The following LARGE1 variants were observed in gnomAD, a reference collection of about 807,000 sequenced individuals.
LARGE1 encodes LARGE xylosyl- and glucuronyltransferase 1, also known as xylosyl- and glucuronyltransferase LARGE1.
LARGE1 carries 43 observed loss-of-function variants against 87.6 expected under a neutral mutation model. The observed-to-expected ratio is 0.49, with a 90% CI of 0.38 to 0.63. LARGE1 has a LOEUF of 0.63. Ranked by LOEUF, LARGE1 falls within the 30% of genes least tolerant of loss-of-function variation. The probability of loss-of-function intolerance (pLI) is 0.00; values close to 1 mark genes in which losing one functional copy is unlikely to be tolerated. For missense variants in LARGE1, 802 were observed against 1,000.2 expected (o/e 0.80, Z 2.67); for synonymous variants, 434 against 394.6 (o/e 1.10, Z -1.18).
chr22:33,135,024 G>T, the LARGE1 span, among the ~76,000 whole-genome samples: 1 of 152,196 alleles, frequency 6.6e-6, no homozygotes, highest in African/African-American at 2.4e-5. Flanking sequence ...ACTTTAGCAG[G>T]AAAACAGCCC....
intron 2 of LARGE1, among the ~76,000 whole-genome samples, chr22:33,754,164 G>A (rs2084421317): frequency 6.6e-6 from 1 of 152,084 alleles, no homozygotes. Flanking sequence ...ACCTTAAAGA[G>A]ACTCTTAACA....
chr22:33,714,589 T>A (rs1347763170), intron 2 of LARGE1, among the ~76,000 whole-genome samples: 1 of 152,154 alleles, frequency 6.6e-6, no homozygotes, highest in African/African-American at 2.4e-5. Flanking sequence ...ACAAATCAAT[T>A]GAAGGAAGGA....
intron 6 of LARGE1, among the ~76,000 whole-genome samples, chr22:33,529,024 A>T (rs4821158): frequency 0.54 from 82,566 of 151,738 alleles, 23,065 homozygotes; most frequent in Admixed American, 0.64. Context: ...TCAACTCACC[A>T]CTTCCCTTAT....
rs76835995 is a variant in LARGE1, at chr22:33,221,988, C to T, written c.1731-55156G>A. ...ATTTTCACTGGCCCCTCAGCTTGTT[C>T]CACTTAATTCTGCTGGCTCTTTGCC... On this transcript the variant is annotated intron_variant, in intron 11 of 11. Transcript: ENST00000608642. Among the ~76,000 whole-genome samples, 774 of 152,300 alleles carry T rather than the reference C, an allele frequency of 5.1e-3. 8 individuals carry two copies. Among genetic ancestry groups the T allele is most frequent in the Non-Finnish European group, 7.1e-3 (481 of 68,028 alleles).
intron 1 of LARGE1, among the ~76,000 whole-genome samples, chr22:33,809,048 G>A (rs1255497362): frequency 4.6e-5 from 7 of 151,662 alleles, no homozygotes; most frequent in Non-Finnish European, 1.5e-5. Flanking sequence ...AAGGTGGGCG[G>A]ATCACCCGAG....
chr22:33,776,564 G>A (rs1217327387), intron 1 of LARGE1, among the ~76,000 whole-genome samples: 2 of 152,166 alleles, frequency 1.3e-5, no homozygotes, highest in African/African-American at 4.8e-5. Flanking sequence ...GACTACCTAT[G>A]AAGCCCTGCC....
intron 6 of LARGE1, among the ~76,000 whole-genome samples, chr22:33,469,510 C>A (rs1199721101): frequency 6.6e-6 from 1 of 152,022 alleles, no homozygotes; most frequent in Non-Finnish European, 1.5e-5. Flanking sequence ...GAAAACTAGG[C>A]CCACTTGGGT....
chr22:33,306,532 C>T (rs868618144), intron 11 of LARGE1, among the ~76,000 whole-genome samples: 5 of 152,058 alleles, frequency 3.3e-5, no homozygotes, highest in African/African-American at 4.8e-5. Context: ...TCCCCTGCCC[C>T]GTGACCTGCC....
chr22:33,445,022 G>C (rs566443617), intron 6 of LARGE1, among the ~76,000 whole-genome samples: 2 of 152,078 alleles, frequency 1.3e-5, no homozygotes, highest in Non-Finnish European at 2.9e-5. Flanking sequence ...TAGAGACGCG[G>C]TTTCGCCATG....
intron 9 of LARGE1, among the ~76,000 whole-genome samples, chr22:33,379,071 AG>A (rs2065073497): frequency 1.3e-5 from 2 of 152,244 alleles, no homozygotes; most frequent in Middle Eastern, 6.8e-3. Context: ...TCACCAACCC[AG>A]AAGTTCATCA....
chr22:33,714,672 A>G (rs2082858525), intron 2 of LARGE1, among the ~76,000 whole-genome samples: 1 of 152,172 alleles, frequency 6.6e-6, no homozygotes, highest in Non-Finnish European at 1.5e-5. Flanking sequence ...CTATGTTGCT[A>G]CTCAACTTGT....
At chr22:33,672,524 G>C (rs1035499919) in intron 2 of LARGE1, among the ~76,000 whole-genome samples, 2 of 152,208 alleles carry the variant, frequency 1.3e-5, no homozygotes, top group Non-Finnish European at 1.5e-5. Context: ...CCTGTAGACA[G>C]TATGTGCCAT....
intron 1 of LARGE1, among the ~76,000 whole-genome samples, chr22:33,874,895 T>C (rs1466683051): frequency 6.6e-6 from 1 of 152,234 alleles, no homozygotes; most frequent in Non-Finnish European, 1.5e-5. Context: ...GGATTAATAA[T>C]TCACACAGCT....
intron 7 of LARGE1, among the ~76,000 whole-genome samples, chr22:33,407,056 G>A (rs1398251567): frequency 6.6e-6 from 1 of 152,140 alleles, no homozygotes; most frequent in Non-Finnish European, 1.5e-5. Context: ...GCCTCCCAAA[G>A]TACTGGGATT....
intron 1 of LARGE1, among the ~76,000 whole-genome samples, chr22:33,795,662 A>G (rs958027579): frequency 6.6e-6 from 1 of 152,194 alleles, no homozygotes; most frequent in African/African-American, 2.4e-5. Flanking sequence ...CACATACACC[A>G]TGGAATACTA....
chr22:33,738,484 G>A (rs1435138967), intron 2 of LARGE1, among the ~76,000 whole-genome samples: 1 of 152,196 alleles, frequency 6.6e-6, no homozygotes, highest in Non-Finnish European at 1.5e-5. Context: ...AAATGAGGAA[G>A]GGGGAATAGT....
chr22:33,507,533 C>G (rs976966295), intron 6 of LARGE1, among the ~76,000 whole-genome samples: 1 of 152,050 alleles, frequency 6.6e-6, no homozygotes, highest in Non-Finnish European at 1.5e-5. Flanking sequence ...AGACTGGTGG[C>G]TACCAGAAGC....
At chr22:33,165,614 A>G (rs920461548) in exon 12 of LARGE1, 3 of 152,210 alleles carry the variant, frequency 2.0e-5, no homozygotes, top group Non-Finnish European at 4.4e-5. Flanking sequence ...ATTATTAGCG[A>G]GGACACTGGG....
At chr22:33,590,269 C>G (rs915414595) in intron 5 of LARGE1, among the ~76,000 whole-genome samples, 2 of 152,108 alleles carry the variant, frequency 1.3e-5, no homozygotes, top group Non-Finnish European at 2.9e-5. Context: ...TTGATTTAGT[C>G]TAAAATTAAC....
Sources: gnomAD v4.1 joint callset for allele counts (sites outside exome capture counted in the v4.1 genomes callset) on GRCh38, gnomAD v4.1.1 for gene constraint, MANE v1.5 for transcripts, NCBI Gene and HGNC (gene_info 2026-07-23, HGNC 2026-07-21) for gene names.